SAMMSON: variants seen among roughly 807,000 people sequenced by gnomAD.
The protein encoded by SAMMSON is long intergenic non-protein coding RNA 1212.
chr3:70,138,818 CAT>C (rs1180558384), intron 4 of SAMMSON, among the ~76,000 whole-genome samples: 2 of 152,128 alleles, frequency 1.3e-5, no homozygotes, highest in African/African-American at 4.8e-5. Flanking sequence ...TGAAATCAAA[CAT>C]ATAATGTGCT....
chr3:70,139,340 C>T (rs890559113), intron 4 of SAMMSON, among the ~76,000 whole-genome samples: 3 of 152,086 alleles, frequency 2.0e-5, no homozygotes, highest in Non-Finnish European at 4.4e-5. Flanking sequence ...CCCAACCAAA[C>T]CTTAAGTCTT....
intron 4 of SAMMSON, among the ~76,000 whole-genome samples, chr3:70,223,155 G>A (rs879363028): frequency 2.0e-5 from 3 of 152,098 alleles, no homozygotes; most frequent in Non-Finnish European, 2.9e-5. Context: ...TACTCTTTAC[G>A]TCTATTTGTA....
At chr3:70,255,432 T>C (rs1701806914) in intron 6 of SAMMSON, among the ~76,000 whole-genome samples, 1 of 152,190 alleles carries the variant, frequency 6.6e-6, no homozygotes, top group South Asian at 2.1e-4. Flanking sequence ...GTAATTTTTT[T>C]TTCTTCTTTA....
At position 70,126,313 on chromosome 3, in the gene SAMMSON, C is replaced by G. The variant is rs9843823; in HGVS notation, n.507+54748C>G. The G allele has an allele frequency of 1.1e-3, 1,248 of 1,184,568 alleles. 8 individuals are homozygous for G. The African/African-American group carries it at 0.017, about 16-fold the overall frequency. 73.4% of individuals were successfully genotyped at this position (1,184,568 alleles called of 1,614,324 possible). The stretch of plus-strand genomic sequence containing the variant: ...CATGGGGAGTGAACTTGATCTTGCT[C>G]TTTTGCAAATTCAAAGACTAAAGTA... On this transcript the variant is annotated intron_variant and non_coding_transcript_variant, in intron 4 of 9. Transcript: ENST00000642114.
At chr3:70,017,490 C>T (rs577825432) in intron 3 of SAMMSON, among the ~76,000 whole-genome samples, 51 of 152,150 alleles carry the variant, frequency 3.4e-4, no homozygotes, top group South Asian at 3.3e-3. Context: ...TGGGCTGAGA[C>T]GATGGGGTTT....
At chr3:70,429,426 T>C (rs958065526) in intron 2 of SAMMSON, among the ~76,000 whole-genome samples, 1 of 152,232 alleles carries the variant, frequency 6.6e-6, no homozygotes, top group Non-Finnish European at 1.5e-5. Flanking sequence ...TTCTTTTTGC[T>C]TAGGATTGTC....
chr3:70,174,046 C>T (rs1191565131), intron 4 of SAMMSON, among the ~76,000 whole-genome samples: 1 of 151,902 alleles, frequency 6.6e-6, no homozygotes, highest in Non-Finnish European at 1.5e-5. Flanking sequence ...AAATTACATC[C>T]TCCCTTTGGA....
intron 7 of SAMMSON, among the ~76,000 whole-genome samples, chr3:70,303,521 C>T (rs1010967333): frequency 6.6e-6 from 1 of 152,130 alleles, no homozygotes; most frequent in African/African-American, 2.4e-5. Context: ...ACCTAGATTT[C>T]CCTTCTAGAT....
intron 4 of SAMMSON, among the ~76,000 whole-genome samples, chr3:70,248,072 A>G (rs1245509425): frequency 1.3e-5 from 2 of 152,208 alleles, no homozygotes; most frequent in South Asian, 2.1e-4. Flanking sequence ...ATAGGCTAAC[A>G]TTTATTGAGT....
chr3:70,149,510 A>G (rs1457405033), intron 4 of SAMMSON, among the ~76,000 whole-genome samples: 1 of 152,088 alleles, frequency 6.6e-6, no homozygotes, highest in East Asian at 1.9e-4. Context: ...ACTGAAGCAG[A>G]AACTTGGCAG....
intron 2 of SAMMSON, among the ~76,000 whole-genome samples, chr3:70,429,836 A>G (rs1184236113): frequency 2.0e-5 from 3 of 152,180 alleles, no homozygotes; most frequent in Admixed American, 6.5e-5. Context: ...GACTTTGCTG[A>G]AGTTGCTTAT....
intron 1 of SAMMSON, among the ~76,000 whole-genome samples, chr3:70,003,001 G>A (rs568835671): frequency 1.3e-5 from 2 of 152,102 alleles, no homozygotes; most frequent in East Asian, 3.9e-4. Context: ...TTATAATTCT[G>A]TTAATTTTTG....
At chr3:70,099,757 T>C (rs950410040) in intron 4 of SAMMSON, among the ~76,000 whole-genome samples, 7 of 152,224 alleles carry the variant, frequency 4.6e-5, no homozygotes, top group African/African-American at 1.4e-4. Context: ...TTCCAAGTTC[T>C]TGCTCACGTG....
At chr3:70,374,176 A>C (rs1453078872) in intron 9 of SAMMSON, among the ~76,000 whole-genome samples, 1 of 152,168 alleles carries the variant, frequency 6.6e-6, no homozygotes, top group Non-Finnish European at 1.5e-5. Flanking sequence ...AGCCTCCCAA[A>C]GTGCTGAGAT....
At chr3:70,164,812 G>A (rs965086725) in intron 4 of SAMMSON, among the ~76,000 whole-genome samples, 2 of 151,998 alleles carry the variant, frequency 1.3e-5, no homozygotes, top group Admixed American at 6.6e-5. Context: ...CAAACTCCGT[G>A]TACATTTTAA....
chr3:70,324,748 A>G (rs557043702), intron 7 of SAMMSON, among the ~76,000 whole-genome samples: 213 of 152,252 alleles, frequency 1.4e-3, no homozygotes, highest in African/African-American at 5.0e-3. Flanking sequence ...TACTTTTCAG[A>G]AGATCGAACA....
intron 4 of SAMMSON, among the ~76,000 whole-genome samples, chr3:70,206,948 A>G (rs1480035868): frequency 6.6e-6 from 1 of 152,100 alleles, no homozygotes; most frequent in African/African-American, 2.4e-5. Flanking sequence ...GAATAAAAAT[A>G]TGAGAAAGAA....
intron 4 of SAMMSON, among the ~76,000 whole-genome samples, chr3:70,247,097 G>T (rs374884486): frequency 1.3e-5 from 2 of 151,780 alleles, no homozygotes; most frequent in Non-Finnish European, 2.9e-5. Context: ...AGTACCAAGC[G>T]CATGGTAGAA....
rs542740696 is a variant in SAMMSON, at chr3:70,060,084, CTA to C, written n.418-11390_418-11389del. ...CTTCAGGGAGATTGTTGATCTTGAG[CTA>C]TGTCTTAAAGGAAGAAGAAAATTGG... On this transcript the variant is annotated intron_variant and non_coding_transcript_variant, in intron 3 of 9. Coordinates refer to ENST00000642114, the Ensembl canonical transcript of SAMMSON. 3.3e-3 allele frequency among the ~76,000 whole-genome samples: 499 copies of C among 152,162 alleles called. 2 individuals carry two copies. Among genetic ancestry groups the C allele is most frequent in the Non-Finnish European group, 5.4e-3 (365 of 67,988 alleles).
Sources: gnomAD v4.1 joint callset for allele counts (sites outside exome capture counted in the v4.1 genomes callset) on GRCh38, gnomAD v4.1.1 for gene constraint, MANE v1.5 for transcripts, NCBI Gene and HGNC (gene_info 2026-07-23, HGNC 2026-07-21) for gene names.